Variants in MAPDA observed in about 807,000 individuals in gnomAD.
The protein encoded by MAPDA is N6,N6-dimethyl-AMP deaminase.
At chr15:43,345,937 C>T in the MAPDA span, 2 of 1,614,200 alleles carry the variant, frequency 1.2e-6, no homozygotes, top group African/African-American at 1.3e-5. Context: ...TTCCTTTCTA[C>T]TGAGGGTACA....
the MAPDA span, among the ~76,000 whole-genome samples, chr15:43,338,035 G>A: frequency 6.6e-6 from 1 of 152,206 alleles, no homozygotes; most frequent in Admixed American, 6.5e-5. Flanking sequence ...AGGGGCCCTG[G>A]TCTCACTTTG....
chr15:43,351,240 C>G, the MAPDA span: 1 of 520,858 alleles, frequency 1.9e-6, no homozygotes. Flanking sequence ...GCAGGAGAAT[C>G]ACTTGAACCC....
chr15:43,341,193 G>T, the MAPDA span, among the ~76,000 whole-genome samples: 1 of 152,094 alleles, frequency 6.6e-6, no homozygotes, highest in Non-Finnish European at 1.5e-5. Context: ...AATCATTTGG[G>T]GGTAAAATTT....
At chr15:43,350,008 T>C in the MAPDA span, among the ~76,000 whole-genome samples, 1 of 152,268 alleles carries the variant, frequency 6.6e-6, no homozygotes, top group East Asian at 1.9e-4. Context: ...GTAAGGTATT[T>C]TACTCTGGCT....
chr15:43,341,280 A>C, the MAPDA span, among the ~76,000 whole-genome samples: 1 of 152,226 alleles, frequency 6.6e-6, no homozygotes, highest in African/African-American at 2.4e-5. Context: ...GAACCATAGA[A>C]TCAGTTCCAC....
At chr15:43,335,165 A>G in the MAPDA span, 12 of 1,613,808 alleles carry the variant, frequency 7.4e-6, no homozygotes, top group Non-Finnish European at 1.0e-5. Context: ...TGAATTGCCA[A>G]AAGTGGTGAG....
the MAPDA span, chr15:43,346,079 C>G: frequency 6.9e-7 from 1 of 1,456,732 alleles, no homozygotes; most frequent in East Asian, 2.3e-5. Context: ...CCAGAGTGTC[C>G]AACAGACACT....
At chr15:43,352,917 G>A in the MAPDA span, 105 of 152,014 alleles carry the variant, frequency 6.9e-4, no homozygotes, top group African/African-American at 2.4e-3. Flanking sequence ...ACTGGCTGAG[G>A]GGTGAGAAAG....
the MAPDA span, chr15:43,346,044 C>T: frequency 6.3e-7 from 1 of 1,593,198 alleles, no homozygotes; most frequent in Non-Finnish European, 8.6e-7. Context: ...TAAGGACTAG[C>T]TTCGGGCATC....
the MAPDA span, among the ~76,000 whole-genome samples, chr15:43,333,598 T>C: frequency 2.6e-5 from 4 of 152,358 alleles, no homozygotes; most frequent in South Asian, 2.1e-4. Flanking sequence ...GGCCTTTCTA[T>C]GGATTTCTAT....
chr15:43,340,218 C>T, the MAPDA span: 2 of 1,542,918 alleles, frequency 1.3e-6, no homozygotes, highest in East Asian at 2.3e-5. Flanking sequence ...TCATTGGGAC[C>T]CTTACCCAAA....
the MAPDA span, chr15:43,332,472 G>A: frequency 6.6e-6 from 1 of 152,120 alleles, no homozygotes; most frequent in Non-Finnish European, 1.5e-5. Flanking sequence ...AAATGTAGGT[G>A]TTATGTCAAA....
chr15:43,338,708 T>G, the MAPDA span, among the ~76,000 whole-genome samples: 3 of 152,238 alleles, frequency 2.0e-5, no homozygotes, highest in Non-Finnish European at 4.4e-5. Context: ...TCTCAGTACC[T>G]ACCGCACTAC....
At chr15:43,332,350 C>T in the MAPDA span, 19 of 150,544 alleles carry the variant, frequency 1.3e-4, no homozygotes, top group Non-Finnish European at 2.7e-4. Flanking sequence ...AGTACTGCTT[C>T]GTGAGGTATC....
chr15:43,342,396 T>C, the MAPDA span, among the ~76,000 whole-genome samples: 1 of 143,694 alleles, frequency 7.0e-6, no homozygotes, highest in African/African-American at 2.6e-5. Context: ...GGGAAAGGAA[T>C]CCAAGTTAGG....
At chr15:43,335,434 G>A in the MAPDA span, among the ~76,000 whole-genome samples, 6 of 152,128 alleles carry the variant, frequency 3.9e-5, no homozygotes, top group Admixed American at 1.3e-4. Context: ...CTCAGGAGGC[G>A]GAGGCAGGAG....
the MAPDA span, chr15:43,351,683 C>G: frequency 2.1e-6 from 3 of 1,433,542 alleles, no homozygotes; most frequent in African/African-American, 1.4e-5. Context: ...AGACTCTAAA[C>G]AAAAAGATGG....
At chr15:43,338,507 TCA>T in the MAPDA span, among the ~76,000 whole-genome samples, 1 of 152,236 alleles carries the variant, frequency 6.6e-6, no homozygotes, top group Non-Finnish European at 1.5e-5. Flanking sequence ...TTGCTTAAGA[TCA>T]CACACACAGA....
the MAPDA span, among the ~76,000 whole-genome samples, chr15:43,337,997 A>G: frequency 6.6e-6 from 1 of 152,244 alleles, no homozygotes; most frequent in South Asian, 2.1e-4. Flanking sequence ...AAAAGATACC[A>G]TTGAACATAG....
Sources: allele counts gnomAD v4.1 joint callset (sites outside exome capture counted in the v4.1 genomes callset), GRCh38; gene constraint gnomAD v4.1.1; transcripts MANE v1.5; gene names NCBI Gene and HGNC (gene_info 2026-07-23, HGNC 2026-07-21).